Variants in RBM14 observed in about 807,000 individuals in gnomAD.
RBM14 encodes RNA-binding protein 14.
In RBM14, 5 loss-of-function variants were observed where a neutral mutation model predicts 52.8. That is an observed-to-expected ratio of 0.09 (90% CI 0.05 to 0.20). The LOEUF is 0.20. RBM14 is among the 10% of genes least tolerant of loss of function. The pLI, the probability that RBM14 is intolerant of heterozygous loss-of-function variation, is 1.00. For synonymous variants in RBM14, 411 were observed against 401.8 expected, an observed-to-expected ratio of 1.02 and a Z score of -0.28; for missense variants, 780 against 926.6, an observed-to-expected ratio of 0.84 and a Z score of 2.05.
intron 1 of RBM14, among the ~76,000 whole-genome samples, chr11:66,620,372 A>G (rs1354399976): frequency 6.6e-6 from 1 of 151,866 alleles, no homozygotes. Context: ...CAGTGGTGAG[A>G]TCTTGGCTCA....
chr11:66,618,862 C>T (rs1858967812), intron 1 of RBM14, among the ~76,000 whole-genome samples: 2 of 152,134 alleles, frequency 1.3e-5, no homozygotes, highest in Admixed American at 1.3e-4. Context: ...AGTGACGATG[C>T]GGGTGAAGTG....
At chr11:66,620,124 T>C (rs1859036961) in intron 1 of RBM14, among the ~76,000 whole-genome samples, 1 of 152,222 alleles carries the variant, frequency 6.6e-6, no homozygotes, top group African/African-American at 2.4e-5. Context: ...TTAATCTAGC[T>C]AGGTCTGTGC....
rs989439023 is a variant in RBM14, at chr11:66,629,099, T to C, written c.*2431T>C. 6.6e-6 allele frequency among the ~76,000 whole-genome samples: 1 copy of C among 152,256 alleles called. No individual in the cohort carries two copies. Among genetic ancestry groups the C allele is most frequent in the Non-Finnish European group, 1.5e-5 (1 of 68,042 alleles). On this transcript the variant is annotated 3_prime_UTR_variant, in exon 3 of 3. Coordinates refer to ENST00000310137, the MANE Select transcript of RBM14 (RefSeq NM_006328.4). Reference sequence around the variant, plus strand: ...TGTTTTAAAATCTCCCTCCCCTCTTTTATTTTAATTATGCCACCTGTGTTA... The same window carrying C: ...TGTTTTAAAATCTCCCTCCCCTCTTCTATTTTAATTATGCCACCTGTGTTA...
chr11:66,626,324 T>C, intron 2 of RBM14, 137 bp from the exon 3 acceptor site: 1 of 881,374 alleles, frequency 1.1e-6, no homozygotes, highest in Non-Finnish European at 1.7e-6. Flanking sequence ...GTGATGAGCC[T>C]TCTGACAAAA....
chr11:66,628,650 T>A lies in RBM14; in HGVS notation c.*1982T>A, dbSNP rs2135031218. 6.6e-6 allele frequency among the ~76,000 whole-genome samples: 1 copy of A among 152,190 alleles called. No homozygotes were observed. Among genetic ancestry groups the A allele is most frequent in the Non-Finnish European group, 1.5e-5 (1 of 68,008 alleles). On this transcript the variant is annotated 3_prime_UTR_variant, in exon 3 of 3. Transcript: ENST00000310137. ...GGACTGGGAAAGCATGGGAGGAGGA[T>A]TTTGATAAGTTTCTTGTTCTCTGCG...
At position 66,616,740 on chromosome 11, in the gene RBM14, AC is replaced by A. The variant is rs1419864402; in HGVS notation, c.21del (p.Asn7LysfsTer23). MKIFVG[N>X]VDGADTTPEE... ...GACAAAATGAAGATATTCGTGGGCA[AC>A]GTCGACGGGGCGGATACGACTCCGG... On this transcript the variant is annotated frameshift_variant, in exon 1 of 3. Transcript: ENST00000310137. LOFTEE classifies it high-confidence loss of function. The A allele has an allele frequency of 6.3e-7, 1 of 1,594,404 alleles. No individual in the cohort carries two copies. Among genetic ancestry groups the A allele is most frequent in the African/African-American group, 1.3e-5 (1 of 74,404 alleles).
At chr11:66,617,635 G>A (rs7937315) in intron 1 of RBM14, 1 of 903,452 alleles carries the variant, frequency 1.1e-6, no homozygotes, top group African/African-American at 1.8e-5. Flanking sequence ...GTTACACGTG[G>A]GTACGAGAGG....
At chr11:66,619,921 T>C (rs1208434115) in intron 1 of RBM14, among the ~76,000 whole-genome samples, 1 of 152,266 alleles carries the variant, frequency 6.6e-6, no homozygotes, top group Admixed American at 6.5e-5. Flanking sequence ...CTGGATTCAC[T>C]TAACTTTGTT....
At position 66,624,194 on chromosome 11, in the gene RBM14, T is replaced by A; in HGVS notation, c.338-20T>A. On this transcript the variant is annotated intron_variant, in intron 1 of 2. Transcript: ENST00000310137. This position sits in a 1 kb window ranked among gnomAD's most constrained non-coding sequence, Gnocchi z 4.7. The stretch of plus-strand genomic sequence containing the variant: ...GCCCTGCCCCCCTAATTGCTAACCC[T>A]CTGTCTGCTGCTTTATCAGACTACG... The A allele has an allele frequency of 6.4e-7, 1 of 1,557,068 alleles. No homozygotes were observed. Among genetic ancestry groups the A allele is most frequent in the Non-Finnish European group, 8.7e-7 (1 of 1,148,418 alleles).
At chr11:66,617,284 A>G (rs1858882077) in intron 1 of RBM14, 3 of 1,336,440 alleles carry the variant, frequency 2.2e-6, no homozygotes, top group Non-Finnish European at 2.9e-6. Context: ...TGCGGCGGCC[A>G]CTGCGAGCCA....
chr11:66,617,629 C>T (rs891376065), intron 1 of RBM14: 2 of 937,974 alleles, frequency 2.1e-6, no homozygotes, highest in Non-Finnish European at 2.5e-6. Context: ...GGCACAGTTA[C>T]ACGTGGGTAC....
Position 66,626,879 on chromosome 11 carries a change from GGCTCTAGATCT to G in RBM14, c.*214_*224del. The G allele has an allele frequency of 1.8e-6, 1 of 552,384 alleles. No individual in the cohort carries two copies. The highest frequency in any genetic ancestry group is 2.5e-5 in the South Asian group (1 of 39,266). 34.2% of individuals were successfully genotyped at this position (552,384 alleles called of 1,614,324 possible). A position where few individuals can be genotyped will look rare whatever the true frequency, so the allele number is the denominator to read the frequency against. ...CGCCTCAGCAGCAAATCTTGCTACT[GGCTCTAGATCT>G]GCGGTTTCCCCTCTACCCTGCCTCC... On this transcript the variant is annotated 3_prime_UTR_variant, in exon 3 of 3. Coordinates refer to ENST00000310137, the MANE Select transcript of RBM14 (RefSeq NM_006328.4).
intron 1 of RBM14, among the ~76,000 whole-genome samples, chr11:66,623,643 C>T (rs1211396088): frequency 3.3e-5 from 5 of 152,160 alleles, no homozygotes; most frequent in African/African-American, 1.2e-4. Context: ...TTGGGAAGTA[C>T]TGTGAAAAAG....
chr11:66,619,471 A>G (rs1054113747), intron 1 of RBM14: 2 of 152,242 alleles, frequency 1.3e-5, no homozygotes, highest in Non-Finnish European at 2.9e-5. Flanking sequence ...GAGATCTGAA[A>G]GACAAAAGAG....
intron 1 of RBM14, among the ~76,000 whole-genome samples, chr11:66,622,505 A>G (rs1164332287): frequency 6.6e-6 from 1 of 152,224 alleles, no homozygotes; most frequent in Admixed American, 6.5e-5. Context: ...AAGCCCTGGC[A>G]TGAGCCCCTG....
intron 1 of RBM14, chr11:66,617,421 G>C: frequency 9.3e-7 from 1 of 1,081,070 alleles, no homozygotes; most frequent in Non-Finnish European, 1.1e-6. Context: ...ATCATGAAGC[G>C]GGGAAGATTT....
Position 66,625,773 on chromosome 11 carries a change from C to G in RBM14, c.1802+95C>G, listed in dbSNP as rs190132142. 2,379 of 938,938 alleles carry G rather than the reference C, an allele frequency of 2.5e-3. 8 individuals are homozygous for G. The highest frequency in any genetic ancestry group is 2.3e-3 in the Non-Finnish European group (1,443 of 637,624). The allele number at this position is 938,938 out of a possible 1,614,324, so 58.2% of individuals were successfully genotyped here. A position where few individuals can be genotyped will look rare whatever the true frequency, so the allele number is the denominator to read the frequency against. ...GGAAACTGGAGGCATCGGCCCCTCC[C>G]TCGGTCTTCTCTTCTCTATTTTTGT... On this transcript the variant is annotated intron_variant, in intron 2 of 2. Transcript: ENST00000310137. This position sits in a 1 kb window ranked among gnomAD's most constrained non-coding sequence, Gnocchi z 4.2.
Position 66,628,735 on chromosome 11 carries a change from A to G in RBM14, c.*2067A>G, listed in dbSNP as rs574012226. Among the ~76,000 whole-genome samples, 6 of 152,250 alleles carry G rather than the reference A, an allele frequency of 3.9e-5. No homozygotes were observed. The highest frequency in any genetic ancestry group is 1.9e-4 in the East Asian group (1 of 5,190). On this transcript the variant is annotated 3_prime_UTR_variant, in exon 3 of 3. Transcript: ENST00000310137. ...GCCTACCTTTGGTTATTACCCTGGA[A>G]AATTGAGGGTTGATGGTAGGGTTAT...
At chr11:66,623,982 G>A (rs1937663656) in intron 1 of RBM14, 2 of 771,378 alleles carry the variant, frequency 2.6e-6, no homozygotes, top group Non-Finnish European at 4.6e-6. Flanking sequence ...AGATGGCAGG[G>A]TTTGTAAAGG....
Sources: allele counts gnomAD v4.1 joint callset (sites outside exome capture counted in the v4.1 genomes callset), GRCh38; gene constraint gnomAD v4.1.1; non-coding constraint Gnocchi (gnomAD v3.1); transcripts MANE v1.5; gene names NCBI Gene and HGNC (gene_info 2026-07-23, HGNC 2026-07-21).